Variants in EIF4E3 observed in about 807,000 individuals in gnomAD.
The protein encoded by EIF4E3 is eukaryotic translation initiation factor 4E type 3.
Under a neutral mutation model 31.7 loss-of-function variants are expected in EIF4E3, and 26 were observed. The ratio of observed to expected loss-of-function variants is 0.82; its 90% CI spans 0.60 to 1.14. The LOEUF (loss-of-function observed/expected upper bound fraction) is 1.14, where lower values mean the gene tolerates loss of function less well. Among genes scored for constraint, EIF4E3 ranks in the 50% most tolerant of loss-of-function variants. The probability of loss-of-function intolerance (pLI) is 0.00; values close to 1 mark genes in which losing one functional copy is unlikely to be tolerated. For missense variants in EIF4E3, 304 were observed against 270.9 expected, an observed-to-expected ratio of 1.12 and a Z score of -0.86; for synonymous variants, 128 against 107.7, an observed-to-expected ratio of 1.19 and a Z score of -1.17.
intron 1 of EIF4E3, among the ~76,000 whole-genome samples, chr3:71,720,103 C>G (rs1001571059): frequency 6.6e-6 from 1 of 151,370 alleles, no homozygotes; most frequent in Non-Finnish European, 1.5e-5. Flanking sequence ...TCTCTAAGTC[C>G]ATAGTTTTCC....
chr3:71,753,501 G>C (rs900650400), exon 1 of EIF4E3: 1 of 151,792 alleles, frequency 6.6e-6, no homozygotes, highest in African/African-American at 2.4e-5. Context: ...TTGCGTCCTG[G>C]GCCCTGCCTC....
At chr3:71,721,456 GA>G (rs975720052) in intron 1 of EIF4E3, among the ~76,000 whole-genome samples, 5 of 152,224 alleles carry the variant, frequency 3.3e-5, no homozygotes, top group Non-Finnish European at 7.3e-5. Flanking sequence ...GGCAACATAA[GA>G]TGGTTTGGCT....
In EIF4E3 at chr3:71,682,007, G is replaced by A. The variant is rs184945279; in HGVS notation, c.*2675C>T. ...ATTTAAGAAATGTGGAAAAGTTGGGGGGAAAGAGGAAATCTTAAAACTGAG... is the reference window on the plus strand; with the variant it reads ...ATTTAAGAAATGTGGAAAAGTTGGGAGGAAAGAGGAAATCTTAAAACTGAG... On this transcript the variant is annotated 3_prime_UTR_variant, in exon 7 of 7. Coordinates refer to ENST00000425534, the MANE Select transcript of EIF4E3 (RefSeq NM_001134651.2). 7.9e-5 allele frequency: 12 copies of A among 152,268 alleles called. No homozygotes were observed. Among genetic ancestry groups the A allele is most frequent in the Admixed American group, 2.6e-4 (4 of 15,292 alleles). The allele number at this position is 152,268 out of a possible 1,614,324, so 9.4% of individuals were successfully genotyped here. A position where few individuals can be genotyped will look rare whatever the true frequency, so the allele number is the denominator to read the frequency against.
chr3:71,682,155 G>A lies in EIF4E3; in HGVS notation c.*2527C>T, dbSNP rs2048931644. 1 of 152,172 alleles carries A rather than the reference G, an allele frequency of 6.6e-6. No homozygotes were observed. The highest frequency in any genetic ancestry group is 1.5e-5 in the Non-Finnish European group (1 of 68,028). 9.4% of individuals were successfully genotyped at this position (152,172 alleles called of 1,614,324 possible). On this transcript the variant is annotated 3_prime_UTR_variant, in exon 7 of 7. Coordinates refer to ENST00000425534, the MANE Select transcript of EIF4E3 (RefSeq NM_001134651.2). Reference sequence around the variant, plus strand: ...CAAGTGCCTGTGATATAACAATTTAGGGAATAATGGGAGAATAAAAAGCAT... The same window carrying A: ...CAAGTGCCTGTGATATAACAATTTAAGGAATAATGGGAGAATAAAAAGCAT...
the EIF4E3 span, among the ~76,000 whole-genome samples, chr3:71,667,064 T>A: frequency 6.6e-6 from 1 of 152,200 alleles, no homozygotes; most frequent in Non-Finnish European, 1.5e-5. Flanking sequence ...CACAATCAAG[T>A]TGGCTTCATC....
chr3:71,735,213 G>T (rs2049750187), intron 1 of EIF4E3, among the ~76,000 whole-genome samples: 1 of 152,120 alleles, frequency 6.6e-6, no homozygotes, highest in Admixed American at 6.6e-5. Context: ...TTTCAAATCT[G>T]CATTAAAAAC....
chr3:71,731,188 C>CA (rs1249604032), intron 1 of EIF4E3, among the ~76,000 whole-genome samples: 1 of 152,160 alleles, frequency 6.6e-6, no homozygotes, highest in Non-Finnish European at 1.5e-5. Flanking sequence ...CAACAGTCCT[C>CA]AAACACTGGT....
At chr3:71,746,754 C>G (rs952464565) in intron 1 of EIF4E3, among the ~76,000 whole-genome samples, 2 of 152,172 alleles carry the variant, frequency 1.3e-5, no homozygotes, top group Non-Finnish European at 2.9e-5. Flanking sequence ...CATCACCCCC[C>G]AAAAAGCTCT....
rs1420800608 is a variant in EIF4E3, at chr3:71,677,916, T to C, written c.*6766A>G. ...TATTCTAAAACGGAACCATTCTTAA[T>C]AGAGGGTAAAGAAAAAGAATTAAAA... On this transcript the variant is annotated 3_prime_UTR_variant, in exon 7 of 7. Transcript: ENST00000425534. The C allele has an allele frequency of 6.6e-6, 1 of 152,090 alleles. No homozygotes were observed. Among genetic ancestry groups the C allele is most frequent in the Admixed American group, 6.5e-5 (1 of 15,268 alleles). 9.4% of individuals were successfully genotyped at this position (152,090 alleles called of 1,614,324 possible).
intron 1 of EIF4E3, among the ~76,000 whole-genome samples, chr3:71,723,681 G>T (rs181622592): frequency 1.3e-5 from 2 of 152,286 alleles, no homozygotes; most frequent in East Asian, 1.9e-4. Context: ...TTAGACCACA[G>T]GTCCAGGTTT....
chr3:71,691,060 A>G lies in EIF4E3; in HGVS notation c.473-895T>C, dbSNP rs144604642. ...AGCCACTTTGTTTACATAAATTTGC[A>G]GCAAAATGAAAGGAATACAAACTTT... On this transcript the variant is annotated intron_variant, in intron 5 of 6. Coordinates refer to ENST00000425534, the MANE Select transcript of EIF4E3 (RefSeq NM_001134651.2). Among the ~76,000 whole-genome samples the G allele has an allele frequency of 1.6e-3, 250 of 152,344 alleles. 1 individual carries two copies. Among genetic ancestry groups the G allele is most frequent in the African/African-American group, 5.8e-3 (243 of 41,580 alleles).
At chr3:71,730,825 G>C (rs1445621175) in intron 1 of EIF4E3, among the ~76,000 whole-genome samples, 5 of 152,006 alleles carry the variant, frequency 3.3e-5, no homozygotes, top group Non-Finnish European at 7.4e-5. Flanking sequence ...GGCCTCCCAG[G>C]CTCAAGCAAT....
chr3:71,678,873 T>A lies in EIF4E3; in HGVS notation c.*5809A>T, dbSNP rs1260861259. The A allele has an allele frequency of 6.6e-6, 1 of 152,240 alleles. No homozygotes were observed. Among genetic ancestry groups the A allele is most frequent in the Non-Finnish European group, 1.5e-5 (1 of 68,042 alleles). The allele number at this position is 152,240 out of a possible 1,614,324, so 9.4% of individuals were successfully genotyped here. A position where few individuals can be genotyped will look rare whatever the true frequency, so the allele number is the denominator to read the frequency against. ...ACAAATAATGTTAGCTGTCTCAAGCTAAAGTATGCTCACTAGTTTAAATTT... is the reference window on the plus strand; with the variant it reads ...ACAAATAATGTTAGCTGTCTCAAGCAAAAGTATGCTCACTAGTTTAAATTT... On this transcript the variant is annotated 3_prime_UTR_variant, in exon 7 of 7. Transcript: ENST00000425534.
chr3:71,735,103 A>T (rs1488133207), intron 1 of EIF4E3, among the ~76,000 whole-genome samples: 1 of 152,224 alleles, frequency 6.6e-6, no homozygotes, highest in East Asian at 1.9e-4. Flanking sequence ...TGGAAACAGG[A>T]TGTATTCAAA....
intron 6 of EIF4E3, among the ~76,000 whole-genome samples, chr3:71,688,675 T>C (rs1046565473): frequency 6.6e-6 from 1 of 152,072 alleles, no homozygotes; most frequent in Non-Finnish European, 1.5e-5. Flanking sequence ...GCTAGTCTTG[T>C]GAAATAAAAA....
At chr3:71,722,069 C>G (rs1341039656) in intron 1 of EIF4E3, among the ~76,000 whole-genome samples, 2 of 128,740 alleles carry the variant, frequency 1.6e-5, no homozygotes, top group African/African-American at 6.5e-5. Flanking sequence ...CTTTATGGTT[C>G]CTGTAAGCCC....
In EIF4E3 at chr3:71,684,076, A is replaced by C. The variant is rs569037564; in HGVS notation, c.*606T>G. The C allele has an allele frequency of 7.2e-5, 11 of 152,754 alleles. No homozygotes were observed. In the South Asian group the frequency reaches 2.3e-3, roughly 32 times the overall value. The allele number at this position is 152,754 out of a possible 1,614,324, so 9.5% of individuals were successfully genotyped here. A position where few individuals can be genotyped will look rare whatever the true frequency, so the allele number is the denominator to read the frequency against. Reference sequence around the variant, plus strand: ...TATCACTAAAAAAAAATGTTTTAAAAAGGAAAATTAAAGATTTGTGTGCTG... The same window carrying C: ...TATCACTAAAAAAAAATGTTTTAAACAGGAAAATTAAAGATTTGTGTGCTG... On this transcript the variant is annotated 3_prime_UTR_variant, in exon 7 of 7. Coordinates refer to ENST00000425534, the MANE Select transcript of EIF4E3 (RefSeq NM_001134651.2).
chr3:71,754,300 C>A, upstream of EIF4E3: 1 of 1,151,228 alleles, frequency 8.7e-7, no homozygotes, highest in Non-Finnish European at 1.1e-6. The surrounding 1 kb of genome is among the most constrained non-coding windows in gnomAD (Gnocchi z 5.8). Flanking sequence ...CGTGCGGCGG[C>A]CGCGGCGGGG....
Position 71,675,831 on chromosome 3 carries a change from C to A in EIF4E3, c.*8851G>T, listed in dbSNP as rs1376309301. The A allele has an allele frequency of 6.6e-6, 1 of 152,210 alleles. No homozygotes were observed. The highest frequency in any genetic ancestry group is 1.5e-5 in the Non-Finnish European group (1 of 68,036). 9.4% of individuals were successfully genotyped at this position (152,210 alleles called of 1,614,324 possible). A position where few individuals can be genotyped will look rare whatever the true frequency, so the allele number is the denominator to read the frequency against. On this transcript the variant is annotated 3_prime_UTR_variant, in exon 7 of 7. Coordinates refer to ENST00000425534, the MANE Select transcript of EIF4E3 (RefSeq NM_001134651.2). ...ATCATATCTTCAACTTCCACCAAGG[C>A]AGCCTCACTGAAGAACAGGCTGGAG...
Sources: allele counts gnomAD v4.1 joint callset (sites outside exome capture counted in the v4.1 genomes callset), GRCh38; gene constraint gnomAD v4.1.1; non-coding constraint Gnocchi (gnomAD v3.1); transcripts MANE v1.5; gene names NCBI Gene and HGNC (gene_info 2026-07-23, HGNC 2026-07-21).